The following FAM83F variants were observed in gnomAD, a reference collection of about 807,000 sequenced individuals.
FAM83F encodes scaffolding CK1 anchoring protein F.
A neutral mutation model predicts 42.9 loss-of-function variants in FAM83F; 45 were observed. The ratio of observed to expected loss-of-function variants is 1.05; its 90% confidence interval spans 0.83 to 1.35. The LOEUF is 1.35. Among genes scored for constraint, FAM83F ranks in the 40% most tolerant of loss-of-function variants. The probability of loss-of-function intolerance (pLI) is 0.00; values close to 1 mark genes in which losing one functional copy is unlikely to be tolerated. For synonymous variants in FAM83F, 306 were observed against 298.3 expected, an observed-to-expected ratio of 1.03 and a Z score of -0.27; for missense variants, 617 against 695.9, an observed-to-expected ratio of 0.89 and a Z score of 1.28.
chr22:40,011,091 C>T (rs945320099), intron 1 of FAM83F, among the ~76,000 whole-genome samples: 1 of 152,228 alleles, frequency 6.6e-6, no homozygotes, highest in Non-Finnish European at 1.5e-5. Context: ...CCACTCCTTT[C>T]TCCTTCCACA....
Position 40,031,763 on chromosome 22 carries a change from G to A in FAM83F, c.*2198G>A, listed in dbSNP as rs895092174. 2.0e-5 allele frequency: 3 copies of A among 152,248 alleles called. No homozygotes were observed. The highest frequency in any genetic ancestry group is 6.5e-5 in the Admixed American group (1 of 15,284). 9.4% of individuals were successfully genotyped at this position (152,248 alleles called of 1,614,324 possible). On this transcript the variant is annotated 3_prime_UTR_variant, in exon 5 of 5. Coordinates refer to ENST00000333407, the MANE Select transcript of FAM83F (RefSeq NM_138435.4). ...CCTCTCCCTGCTGGCCTGTGTCCTC[G>A]TCCTTATAGCAGTGTGGACAAGATG...
At chr22:40,026,756 C>T (rs2067555379) in intron 4 of FAM83F, among the ~76,000 whole-genome samples, 1 of 152,064 alleles carries the variant, frequency 6.6e-6, no homozygotes, top group Non-Finnish European at 1.5e-5. Context: ...CCTGGGGTCC[C>T]TGGATTTATG....
chr22:40,015,044 G>T (rs141444381), intron 1 of FAM83F, among the ~76,000 whole-genome samples: 1 of 152,132 alleles, frequency 6.6e-6, no homozygotes, highest in Non-Finnish European at 1.5e-5. Context: ...TATTAGTCAG[G>T]GTTCTCCAGA....
rs59445798 is a variant in FAM83F, at chr22:40,004,267, AATTTTATTTT to A, written c.489+8777_489+8786del. Among the ~76,000 whole-genome samples, 183 of 133,810 alleles carry A rather than the reference AATTTTATTTT, an allele frequency of 1.4e-3. 1 individual carries two copies. The highest frequency in any genetic ancestry group is 3.2e-3 in the African/African-American group (112 of 34,998). 87.8% of individuals were successfully genotyped at this position (133,810 alleles called of 152,430 possible). ...GCTAGGCAAATGCCAGCCCTTTTAG[AATTTTATTTT>A]ATTTTATTTTATTTTATTTTATTTT... On this transcript the variant is annotated intron_variant, in intron 1 of 4. Transcript: ENST00000333407.
chr22:40,024,783 T>A (rs1398726487), intron 4 of FAM83F, among the ~76,000 whole-genome samples: 2 of 152,156 alleles, frequency 1.3e-5, no homozygotes, highest in East Asian at 3.8e-4. Context: ...TAGAAAAAGC[T>A]CAGAGCTGAC....
chr22:40,028,815 C>T (rs566412774), intron 4 of FAM83F, among the ~76,000 whole-genome samples: 1 of 152,356 alleles, frequency 6.6e-6, no homozygotes, highest in African/African-American at 2.4e-5. Context: ...ATCCACCCCA[C>T]GGTGGCAGCT....
At chr22:40,025,032 A>G (rs1194741973) in intron 4 of FAM83F, among the ~76,000 whole-genome samples, 3 of 152,016 alleles carry the variant, frequency 2.0e-5, no homozygotes, top group Non-Finnish European at 2.9e-5. Context: ...GGGAGTGTTC[A>G]TCCCTTATTC....
In FAM83F at chr22:40,023,362, T is replaced by C. The variant is rs1358098494; in HGVS notation, c.1453+1399T>C. 7.4e-6 allele frequency among the ~76,000 whole-genome samples: 1 copy of C among 135,728 alleles called. No homozygotes were observed. The highest frequency in any genetic ancestry group is 1.6e-5 in the Non-Finnish European group (1 of 61,346). 89.0% of individuals were successfully genotyped at this position (135,728 alleles called of 152,430 possible). A position where few individuals can be genotyped will look rare whatever the true frequency, so the allele number is the denominator to read the frequency against. On this transcript the variant is annotated intron_variant, in intron 4 of 4. Coordinates refer to ENST00000333407, the MANE Select transcript of FAM83F (RefSeq NM_138435.4). The surrounding 1 kb of genome is among the most constrained non-coding windows in gnomAD (Gnocchi z 4.1). Reference sequence around the variant, plus strand: ...CCCTAACACCAGCTGCTGCTGCTGCTGCTGCTCCTGCTCTGTACCTCTGGT... The same window carrying C: ...CCCTAACACCAGCTGCTGCTGCTGCCGCTGCTCCTGCTCTGTACCTCTGGT...
intron 4 of FAM83F, among the ~76,000 whole-genome samples, chr22:40,029,256 C>T (rs2067573239): frequency 6.6e-6 from 1 of 152,166 alleles, no homozygotes; most frequent in Admixed American, 6.5e-5. Context: ...TCCCCGACCC[C>T]TCTTTGGTCA....
At chr22:40,017,383 C>T (rs2145718100) in intron 1 of FAM83F, among the ~76,000 whole-genome samples, 1 of 152,246 alleles carries the variant, frequency 6.6e-6, no homozygotes, top group East Asian at 1.9e-4. Flanking sequence ...CAGGTGCCCA[C>T]CATCATGCCT....
chr22:40,010,508 G>A (rs1309915567), intron 1 of FAM83F, among the ~76,000 whole-genome samples: 1 of 152,190 alleles, frequency 6.6e-6, no homozygotes, highest in Non-Finnish European at 1.5e-5. Flanking sequence ...TCGCATCAGG[G>A]CGTCACAGTC....
rs2067650720 is a variant in FAM83F at position 40,041,631 on chromosome 22, C to T, written c.*12066C>T. On this transcript the variant is annotated 3_prime_UTR_variant, in exon 5 of 5. Coordinates refer to ENST00000333407, the MANE Select transcript of FAM83F (RefSeq NM_138435.4). Reference sequence around the variant, plus strand: ...AAGCGAGGGCAGGTTCCATCCAAAGCCGCAGTTCTGGGTGATGAGAGCTCT... The same window carrying T: ...AAGCGAGGGCAGGTTCCATCCAAAGTCGCAGTTCTGGGTGATGAGAGCTCT... 6.6e-6 allele frequency: 1 copy of T among 152,180 alleles called. No individual in the cohort carries two copies. Among genetic ancestry groups the T allele is most frequent in the Non-Finnish European group, 1.5e-5 (1 of 68,024 alleles). The allele number at this position is 152,180 out of a possible 1,614,324, so 9.4% of individuals were successfully genotyped here. A position where few individuals can be genotyped will look rare whatever the true frequency, so the allele number is the denominator to read the frequency against.
In FAM83F at chr22:40,041,827, GAATATTA is replaced by G. The variant is rs1451482066; in HGVS notation, c.*12269_*12275del. ...AACTTTCTATATTGTCTGAAATACA[GAATATTA>G]AATATTGAGTTAATATTATATTTAC... On this transcript the variant is annotated 3_prime_UTR_variant, in exon 5 of 5. Coordinates refer to ENST00000333407, the MANE Select transcript of FAM83F (RefSeq NM_138435.4). The G allele has an allele frequency of 3.3e-5, 5 of 151,906 alleles. No homozygotes were observed. The highest frequency in any genetic ancestry group is 1.2e-4 in the African/African-American group (5 of 41,358). 9.4% of individuals were successfully genotyped at this position (151,906 alleles called of 1,614,324 possible).
intron 4 of FAM83F, among the ~76,000 whole-genome samples, chr22:40,027,681 G>A (rs1000185687): frequency 3.9e-5 from 6 of 152,236 alleles, no homozygotes; most frequent in South Asian, 2.1e-4. Flanking sequence ...TGTCCTGTCC[G>A]GGGCTAGGAA....
chr22:39,995,258 C>A lies in FAM83F; in HGVS notation c.216C>A (p.Ser72Arg). 8 of 1,535,336 alleles carry A rather than the reference C, an allele frequency of 5.2e-6. No individual in the cohort carries two copies. The highest frequency in any genetic ancestry group is 7.0e-6 in the Non-Finnish European group (8 of 1,145,950). Residue 72 changes from serine (S) to arginine (R), a missense_variant, in exon 1 of 5, where the codon AGC becomes AGA. Physicochemically the swap from Ser to Arg is moderately radical, Grantham distance 110. Coordinates refer to ENST00000333407, the MANE Select transcript of FAM83F (RefSeq NM_138435.4). This position sits in a 1 kb window ranked among gnomAD's most constrained non-coding sequence, Gnocchi z 4.6. ...GCCAGGCCCTGCGGGCCGCCTGGAG[C>A]CCCTACGAGGACGCCGTCCCCGCCG... ...PERQALRAAWSPYEDAVPAAN... is the reference protein window; with the variant it reads ...PERQALRAAWRPYEDAVPAAN...
rs2067586424 is a variant in FAM83F at position 40,031,365 on chromosome 22, G to C, written c.*1800G>C. 1 of 152,260 alleles carries C rather than the reference G, an allele frequency of 6.6e-6. No homozygotes were observed. The highest frequency in any genetic ancestry group is 1.5e-5 in the Non-Finnish European group (1 of 68,090). The allele number at this position is 152,260 out of a possible 1,614,324, so 9.4% of individuals were successfully genotyped here. The stretch of plus-strand genomic sequence containing the variant: ...GGCAAAGAGATCACTCTCTGGTGTG[G>C]AGGGTGGGTGTCTCTGGGGATTAGG... On this transcript the variant is annotated 3_prime_UTR_variant, in exon 5 of 5. Transcript: ENST00000333407.
rs1311241341 is a variant in FAM83F at position 40,033,957 on chromosome 22, G to C, written c.*4392G>C. 1 of 152,452 alleles carries C rather than the reference G, an allele frequency of 6.6e-6. No individual in the cohort carries two copies. 9.4% of individuals were successfully genotyped at this position (152,452 alleles called of 1,614,324 possible). A position where few individuals can be genotyped will look rare whatever the true frequency, so the allele number is the denominator to read the frequency against. The stretch of plus-strand genomic sequence containing the variant: ...TCTGCCTCACTCCACTCAGCTCCCT[G>C]TCAGGTTTCCTGCCAGTCTGTCCCT... On this transcript the variant is annotated 3_prime_UTR_variant, in exon 5 of 5. Transcript: ENST00000333407.
chr22:40,014,691 G>A (rs1326624367), intron 1 of FAM83F, among the ~76,000 whole-genome samples: 1 of 151,522 alleles, frequency 6.6e-6, no homozygotes, highest in Non-Finnish European at 1.5e-5. Context: ...TTTTTTGTCG[G>A]TTTTGCCAGA....
intron 1 of FAM83F, among the ~76,000 whole-genome samples, chr22:40,005,865 G>A (rs1312367574): frequency 6.6e-6 from 1 of 152,210 alleles, no homozygotes; most frequent in Non-Finnish European, 1.5e-5. Context: ...CGCGGCCACA[G>A]ATAGCTGGGA....
Sources: gnomAD v4.1 joint callset for allele counts (sites outside exome capture counted in the v4.1 genomes callset) on GRCh38, gnomAD v4.1.1 for gene constraint, Gnocchi (gnomAD v3.1) non-coding constraint, MANE v1.5 for transcripts, NCBI Gene and HGNC (gene_info 2026-07-23, HGNC 2026-07-21) for gene names.